The following TUBB variants were observed in gnomAD, a reference collection of about 807,000 sequenced individuals.
The protein encoded by TUBB is tubulin beta chain.
A neutral mutation model predicts 35.1 loss-of-function variants in TUBB; 2 were observed. That is an observed-to-expected ratio of 0.06 (90% confidence interval 0.02 to 0.18). The LOEUF (loss-of-function observed/expected upper bound fraction) is 0.18. TUBB is among the 10% of genes least tolerant of loss of function. TUBB has a pLI of 1.00. For synonymous variants in TUBB, 205 were observed against 223.8 expected (o/e 0.92, Z 0.75); for missense variants, 50 against 599.4 (o/e 0.08, Z 9.57).
chr6:30,720,658 T>A, intron 1 of TUBB, 95 bp downstream of exon 1: 2 of 1,077,006 alleles, frequency 1.9e-6, no homozygotes, highest in Non-Finnish European at 2.7e-6. Flanking sequence ...CCGCTATCCT[T>A]AATCAAGATT....
chr6:30,724,394 C>G lies in TUBB; in HGVS notation c.1332C>G (p.Ala444=). 3 of 1,608,856 alleles carry G rather than the reference C, an allele frequency of 1.9e-6. No individual in the cohort carries two copies. The highest frequency in any genetic ancestry group is 2.5e-6 in the Non-Finnish European group (3 of 1,177,822). ...TCGGTGAGGAGGCCGAAGAGGAGGCCTAAGGCAGAGCCCCCATCACCTCAG... is the reference window on the plus strand; with the variant it reads ...TCGGTGAGGAGGCCGAAGAGGAGGCGTAAGGCAGAGCCCCCATCACCTCAG... ...EDFGEEAEEE[A] The change falls in exon 4 of 4, where the codon GCC becomes GCG. Residue 444 remains alanine, a synonymous_variant. Transcript: ENST00000327892. The surrounding 1 kb of genome is among the most constrained non-coding windows in gnomAD (Gnocchi z 4.4).
chr6:30,721,678 C>T, intron 1 of TUBB: 1 of 985,412 alleles, frequency 1.0e-6, no homozygotes, highest in Non-Finnish European at 1.2e-6. Flanking sequence ...GGGGCGGTGC[C>T]CAGCTTGGGG....
At chr6:30,722,782 G>A in intron 2 of TUBB, 136 bp from the exon 3 acceptor site, 2 of 1,108,786 alleles carry the variant, frequency 1.8e-6, no homozygotes, top group Non-Finnish European at 2.6e-6. Flanking sequence ...CACCGTCGGG[G>A]CCAAAGACGT....
chr6:30,721,562 C>T (rs1776255697), intron 1 of TUBB: 4 of 985,238 alleles, frequency 4.1e-6, no homozygotes, highest in Non-Finnish European at 4.8e-6. Context: ...CTTTTGTCGG[C>T]GGCTCGACCT....
Position 30,722,997 on chromosome 6 carries a change from C to G in TUBB, c.246C>G (p.Gly82=). Residue 82 remains glycine (G), a synonymous_variant, in exon 3 of 4, where the codon GGC becomes GGG. Transcript: ENST00000327892. Reference sequence around the variant, plus strand: ...ACTCTGTTCGCTCAGGTCCTTTTGGCCAGATCTTTAGACCAGACAACTTTG... The same window carrying G: ...ACTCTGTTCGCTCAGGTCCTTTTGGGCAGATCTTTAGACCAGACAACTTTG... ...TMDSVRSGPF[G]QIFRPDNFVF... The G allele has an allele frequency of 3.7e-6, 6 of 1,612,586 alleles. No individual in the cohort carries two copies. Among genetic ancestry groups the G allele is most frequent in the Non-Finnish European group, 5.1e-6 (6 of 1,179,590 alleles).
chr6:30,724,553 C>T lies in TUBB; in HGVS notation c.*156C>T, dbSNP rs558808889. Reference sequence around the variant, plus strand: ...AGAACAGTGCCTGGCACATAGTAGGCGCTCAATAAATACTTGTTTGTTGAA... The same window carrying T: ...AGAACAGTGCCTGGCACATAGTAGGTGCTCAATAAATACTTGTTTGTTGAA... On this transcript the variant is annotated 3_prime_UTR_variant, in exon 4 of 4. Transcript: ENST00000327892. The surrounding 1 kb of genome is among the most constrained non-coding windows in gnomAD (Gnocchi z 4.4). 14 of 635,924 alleles carry T rather than the reference C, an allele frequency of 2.2e-5. No individual in the cohort carries two copies. Among genetic ancestry groups the T allele is most frequent in the African/African-American group, 3.7e-5 (2 of 54,642 alleles). 39.4% of individuals were successfully genotyped at this position (635,924 alleles called of 1,614,324 possible).
chr6:30,723,851 C>T lies in TUBB; in HGVS notation c.789C>T (p.Leu263=). 1 of 1,614,068 alleles carries T rather than the reference C, an allele frequency of 6.2e-7. No individual in the cohort carries two copies. Among genetic ancestry groups the T allele is most frequent in the South Asian group, 1.1e-5 (1 of 91,070 alleles). The part of the protein sequence containing the change: ...LAVNMVPFPR[L]HFFMPGFAPL... ...TCAACATGGTCCCCTTCCCACGTCT[C>T]CATTTCTTTATGCCTGGCTTTGCCC... The change falls in exon 4 of 4, where the codon CTC becomes CTT. Residue 263 remains leucine (L), a synonymous_variant. Coordinates refer to ENST00000327892, the MANE Select transcript of TUBB (RefSeq NM_178014.4).
chr6:30,721,996 G>C (rs980392412), intron 1 of TUBB: 1 of 760,996 alleles, frequency 1.3e-6, no homozygotes, highest in African/African-American at 1.9e-5. Context: ...AAAAATAAAA[G>C]TAAAAAATTA....
rs542761241 is a variant in TUBB, at chr6:30,721,679, C to A, written c.58-858C>A. On this transcript the variant is annotated intron_variant, in intron 1 of 3. Transcript: ENST00000327892. ...GTGCGCCGCGCGGTGGGGCGGTGCC[C>A]AGCTTGGGGGAAGGAGAGCGGCGCT... The A allele has an allele frequency of 2.1e-5, 21 of 985,402 alleles. No individual in the cohort carries two copies. In the African/African-American group the frequency reaches 3.5e-4, roughly 16 times the overall value. 61.0% of individuals were successfully genotyped at this position (985,402 alleles called of 1,614,324 possible).
Position 30,723,446 on chromosome 6 carries a change from C to T in TUBB, c.384C>T (p.Asp128=). 18 of 1,614,224 alleles carry T rather than the reference C, an allele frequency of 1.1e-5. No homozygotes were observed. The highest frequency in any genetic ancestry group is 1.4e-5 in the Non-Finnish European group (17 of 1,180,036). The change falls in exon 4 of 4, where the codon GAC becomes GAT. Residue 128 remains aspartate (D), a synonymous_variant. Coordinates refer to ENST00000327892, the MANE Select transcript of TUBB (RefSeq NM_178014.4). ...DVVRKEAESC[D]CLQGFQLTHS... is the part of the protein sequence containing the mutation. ...TACGGAAGGAGGCAGAGAGCTGTGA[C>T]TGCCTGCAGGGCTTCCAGCTGACCC...
rs200228846 is a variant in TUBB, at chr6:30,720,579, C to T, written c.57+16C>T. Reference sequence around the variant, plus strand: ...CGGTGCCAAGGTAAGAATTTTACACCTCTTTTATTTCTTTTTACAAGGAAA... The same window carrying T: ...CGGTGCCAAGGTAAGAATTTTACACTTCTTTTATTTCTTTTTACAAGGAAA... On this transcript the variant is annotated intron_variant, in intron 1 of 3. Coordinates refer to ENST00000327892, the MANE Select transcript of TUBB (RefSeq NM_178014.4). 65 of 1,604,022 alleles carry T rather than the reference C, an allele frequency of 4.1e-5. No homozygotes were observed. Among genetic ancestry groups the T allele is most frequent in the Non-Finnish European group, 5.1e-5 (60 of 1,175,830 alleles).
chr6:30,725,027 C>A lies in TUBB; in HGVS notation c.*630C>A, dbSNP rs1343396698. 6.6e-6 allele frequency: 1 copy of A among 150,418 alleles called. No individual in the cohort carries two copies. Among genetic ancestry groups the A allele is most frequent in the Non-Finnish European group, 1.5e-5 (1 of 68,196 alleles). 9.3% of individuals were successfully genotyped at this position (150,418 alleles called of 1,614,324 possible). A position where few individuals can be genotyped will look rare whatever the true frequency, so the allele number is the denominator to read the frequency against. On this transcript the variant is annotated 3_prime_UTR_variant, in exon 4 of 4. Coordinates refer to ENST00000327892, the MANE Select transcript of TUBB (RefSeq NM_178014.4). Reference sequence around the variant, plus strand: ...AAGTGGAATCCTTCCCTTTCCAACTCTACCTCCCTCACTCAGCTCCTTTCC... The same window carrying A: ...AAGTGGAATCCTTCCCTTTCCAACTATACCTCCCTCACTCAGCTCCTTTCC...
chr6:30,721,497 G>A (rs1350118898), intron 1 of TUBB: 2 of 963,544 alleles, frequency 2.1e-6, no homozygotes, highest in Non-Finnish European at 1.2e-6. Flanking sequence ...CGCTACCTTG[G>A]GCCCCGCCCC....
intron 1 of TUBB, chr6:30,721,518 A>T (rs1281996727): frequency 1.0e-6 from 1 of 982,492 alleles, no homozygotes; most frequent in Non-Finnish European, 1.2e-6. Context: ...TCGCGCGCGG[A>T]ATTTTTGTCC....
intron 1 of TUBB, among the ~76,000 whole-genome samples, chr6:30,721,326 A>C (rs1006318817): frequency 6.6e-6 from 1 of 150,838 alleles, no homozygotes; most frequent in African/African-American, 2.4e-5. Context: ...TTCCGAGGCC[A>C]AGGGGGATTT....
In TUBB at chr6:30,724,998, T is replaced by G. The variant is rs552773618; in HGVS notation, c.*601T>G. The G allele has an allele frequency of 6.0e-4, 91 of 152,802 alleles. No individual in the cohort carries two copies. The highest frequency in any genetic ancestry group is 1.2e-3 in the Non-Finnish European group (79 of 68,416). The allele number at this position is 152,802 out of a possible 1,614,324, so 9.5% of individuals were successfully genotyped here. Reference sequence around the variant, plus strand: ...TACTCTGGAGGAGTCTGTCCCACTCTGTCAAGTGGAATCCTTCCCTTTCCA... The same window carrying G: ...TACTCTGGAGGAGTCTGTCCCACTCGGTCAAGTGGAATCCTTCCCTTTCCA... On this transcript the variant is annotated 3_prime_UTR_variant, in exon 4 of 4. Coordinates refer to ENST00000327892, the MANE Select transcript of TUBB (RefSeq NM_178014.4). This position sits in a 1 kb window ranked among gnomAD's most constrained non-coding sequence, Gnocchi z 4.4.
chr6:30,724,181 C>T lies in TUBB; in HGVS notation c.1119C>T (p.Ala373=). 1.9e-6 allele frequency: 3 copies of T among 1,614,086 alleles called. No individual in the cohort carries two copies. Among genetic ancestry groups the T allele is most frequent in the Non-Finnish European group, 2.5e-6 (3 of 1,179,940 alleles). Residue 373 remains alanine, a synonymous_variant, in exon 4 of 4, where the codon GCC becomes GCT. Transcript: ENST00000327892. The surrounding 1 kb of genome is among the most constrained non-coding windows in gnomAD (Gnocchi z 4.4). ...MAVTFIGNST[A]IQELFKRISE... ...TCACCTTCATTGGCAATAGCACAGC[C>T]ATCCAGGAGCTCTTCAAGCGCATCT... is the stretch of plus-strand genomic sequence containing the variant.
chr6:30,723,842 C>T lies in TUBB; in HGVS notation c.780C>T (p.Phe260=). ...LRKLAVNMVP[F]PRLHFFMPGF... is the part of the protein sequence containing the mutation. Reference sequence around the variant, plus strand: ...AGTTGGCAGTCAACATGGTCCCCTTCCCACGTCTCCATTTCTTTATGCCTG... The same window carrying T: ...AGTTGGCAGTCAACATGGTCCCCTTTCCACGTCTCCATTTCTTTATGCCTG... Residue 260 remains phenylalanine (F), a synonymous_variant, in exon 4 of 4, where the codon TTC becomes TTT. Coordinates refer to ENST00000327892, the MANE Select transcript of TUBB (RefSeq NM_178014.4). 6.2e-7 allele frequency: 1 copy of T among 1,613,988 alleles called. No homozygotes were observed. Among genetic ancestry groups the T allele is most frequent in the South Asian group, 1.1e-5 (1 of 91,058 alleles).
intron 2 of TUBB, 37 bp from the exon 3 acceptor site, chr6:30,722,881 T>G: frequency 6.5e-7 from 1 of 1,547,134 alleles, no homozygotes; most frequent in Non-Finnish European, 8.9e-7. Flanking sequence ...CCTTCCCTTC[T>G]GCCAGATTTC....
Sources: gnomAD v4.1 joint callset for allele counts (sites outside exome capture counted in the v4.1 genomes callset) on GRCh38, gnomAD v4.1.1 for gene constraint, Gnocchi (gnomAD v3.1) non-coding constraint, MANE v1.5 for transcripts, NCBI Gene and HGNC (gene_info 2026-07-23, HGNC 2026-07-21) for gene names.